ERLIN2: variants seen among roughly 807,000 people sequenced by gnomAD.
ERLIN2 encodes the protein erlin-2.
ERLIN2 carries 22 observed loss-of-function variants against 41.5 expected under a neutral mutation model. That is an observed-to-expected ratio of 0.53 (90% CI 0.38 to 0.76). ERLIN2 has a LOEUF of 0.76. Among genes scored for constraint, ERLIN2 ranks in the 30% least tolerant of loss-of-function variants. The probability of loss-of-function intolerance (pLI) is 0.00; values close to 1 mark genes in which losing one functional copy is unlikely to be tolerated. For synonymous variants in ERLIN2, 149 were observed against 150.9 expected, an observed-to-expected ratio of 0.99 and a Z score of 0.09; for missense variants, 247 against 414.3, an observed-to-expected ratio of 0.60 and a Z score of 3.51.
intron 10 of ERLIN2, among the ~76,000 whole-genome samples, 168 bp from the exon 11 acceptor site, chr8:37,753,282 G>A (rs1397238122): frequency 6.6e-6 from 1 of 152,190 alleles, no homozygotes; most frequent in African/African-American, 2.4e-5. Flanking sequence ...TACAATAGGG[G>A]AAAATGCATG....
At chr8:37,736,744 C>G (rs1802656451) in intron 1 of ERLIN2, 66 bp downstream of exon 1, 3 of 985,596 alleles carry the variant, frequency 3.0e-6, no homozygotes, top group Non-Finnish European at 3.6e-6. Flanking sequence ...GGGGCTGACC[C>G]GTCACTTTCG....
intron 6 of ERLIN2, chr8:37,745,808 C>T: frequency 7.3e-7 from 1 of 1,362,380 alleles, no homozygotes; most frequent in South Asian, 2.0e-5. Flanking sequence ...ATTCACTGTG[C>T]TTTTAAGAAA....
intron 11 of ERLIN2, 99 bp downstream of exon 11, chr8:37,753,628 C>T (rs2129727003): frequency 2.8e-6 from 3 of 1,081,490 alleles, no homozygotes; most frequent in East Asian, 4.9e-5. Flanking sequence ...ACCCAAAGCC[C>T]TTCATGGGCA....
At chr8:37,747,200 G>A (rs1300629063) in intron 6 of ERLIN2, 1 of 655,586 alleles carries the variant, frequency 1.5e-6, no homozygotes, top group Non-Finnish European at 2.8e-6. Context: ...CTCACTGCAT[G>A]TAGGAGAATC....
intron 2 of ERLIN2, 103 bp from the exon 3 acceptor site, chr8:37,740,262 T>C (rs1802801458): frequency 6.3e-6 from 5 of 789,058 alleles, no homozygotes; most frequent in Non-Finnish European, 1.1e-5. Flanking sequence ...CACTCTCTAT[T>C]ATATGTTTAT....
rs986447364 is a variant in ERLIN2 at position 37,758,383 on chromosome 8, T to G, written c.*4268T>G. On this transcript the variant is annotated 3_prime_UTR_variant, in exon 12 of 12. Transcript: ENST00000519638. ...GTTTTTTGACCTCTCTAAGCCTCAG[T>G]TTCTTCATTAATAAAATGAGTTGCA... 1 of 152,230 alleles carries G rather than the reference T, an allele frequency of 6.6e-6. No individual in the cohort carries two copies. Among genetic ancestry groups the G allele is most frequent in the Non-Finnish European group, 1.5e-5 (1 of 68,042 alleles). The allele number at this position is 152,230 out of a possible 1,614,324, so 9.4% of individuals were successfully genotyped here.
chr8:37,749,819 T>G lies in ERLIN2; in HGVS notation c.524T>G (p.Ile175Arg). The change falls in exon 8 of 12, where the codon ATA (isoleucine) becomes AGA (arginine). Residue 175 changes from isoleucine to arginine, a missense_variant. Physicochemically the swap from Ile to Arg is moderately conservative, Grantham distance 97. Transcript: ENST00000519638. ...IQAVRVTKPN[I>R]PEAIRRNYEL... ...GCTGTGCGGGTAACAAAGCCCAACA[T>G]ACCAGAGGCAATCCGCAGAAACTAC... 1.9e-6 allele frequency: 3 copies of G among 1,614,138 alleles called. No homozygotes were observed. Among genetic ancestry groups the G allele is most frequent in the Non-Finnish European group, 1.7e-6 (2 of 1,180,008 alleles).
rs998251892 is a variant in ERLIN2, at chr8:37,757,101, G to A, written c.*2986G>A. 10 of 152,318 alleles carry A rather than the reference G, an allele frequency of 6.6e-5. No individual in the cohort carries two copies. Among genetic ancestry groups the A allele is most frequent in the Non-Finnish European group, 1.5e-4 (10 of 68,026 alleles). The allele number at this position is 152,318 out of a possible 1,614,324, so 9.4% of individuals were successfully genotyped here. On this transcript the variant is annotated 3_prime_UTR_variant, in exon 12 of 12. Coordinates refer to ENST00000519638, the MANE Select transcript of ERLIN2 (RefSeq NM_007175.8). ...GCAATATATTGATTCAGGAAAAGGA[G>A]CTGTTTTATAAATGATCATTCACTG...
intron 6 of ERLIN2, chr8:37,745,588 C>G: frequency 6.2e-7 from 1 of 1,613,946 alleles, no homozygotes; most frequent in African/African-American, 1.3e-5. Context: ...ATGATTTTTC[C>G]CAGGAATCTT....
intron 6 of ERLIN2, chr8:37,746,078 G>A (rs1803037651): frequency 1.0e-5 from 10 of 993,540 alleles, no homozygotes; most frequent in Non-Finnish European, 1.2e-5. Flanking sequence ...TGGAGGAGCT[G>A]GGGAAATATA....
In ERLIN2 at chr8:37,749,565, T is replaced by C. The variant is rs745877709; in HGVS notation, c.431T>C (p.Ile144Thr). The part of the protein sequence containing the change: ...QEVYIELFDQ[I>T]DENLKLALQQ... The stretch of plus-strand genomic sequence containing the variant: ...CATCTTTTCTTTATTCCAGATCAGA[T>C]TGATGAAAATCTCAAACTGGCTTTG... Residue 144 changes from isoleucine to threonine, a missense_variant, in exon 7 of 12, where the codon ATT becomes ACT. By Grantham distance (89) the Ile-to-Thr change is moderately conservative. Around this residue, in one of 3 missense-constraint regions of ERLIN2, gnomAD observed 153 missense variants for 256.4 expected, o/e 0.60. Coordinates refer to ENST00000519638, the MANE Select transcript of ERLIN2 (RefSeq NM_007175.8). The C allele has an allele frequency of 1.9e-6, 3 of 1,611,984 alleles. No homozygotes were observed. The highest frequency in any genetic ancestry group is 1.7e-5 in the Admixed American group (1 of 59,994).
intron 6 of ERLIN2, chr8:37,748,074 G>T: frequency 7.9e-7 from 1 of 1,262,790 alleles, no homozygotes; most frequent in South Asian, 1.2e-5. Context: ...TCACGAGCGC[G>T]CCTTGCGCCT....
At chr8:37,745,014 C>G (rs1024641477) in intron 6 of ERLIN2, 1 of 598,542 alleles carries the variant, frequency 1.7e-6, no homozygotes, top group Admixed American at 2.9e-5. Flanking sequence ...ATAATGAAGA[C>G]AAGGTCCATT....
At chr8:37,740,285 A>G in intron 2 of ERLIN2, 80 bp from the exon 3 acceptor site, 1 of 934,732 alleles carries the variant, frequency 1.1e-6, no homozygotes, top group South Asian at 1.3e-5. Flanking sequence ...GGCTGAAGGG[A>G]AAGTTGACCC....
Position 37,757,415 on chromosome 8 carries a change from C to T in ERLIN2, c.*3300C>T, listed in dbSNP as rs1476917498. 6.6e-6 allele frequency: 1 copy of T among 151,792 alleles called. No homozygotes were observed. The highest frequency in any genetic ancestry group is 2.4e-5 in the African/African-American group (1 of 41,272). The allele number at this position is 151,792 out of a possible 1,614,324, so 9.4% of individuals were successfully genotyped here. ...ATCATTTTGTGTTTGTATTTCCATT[C>T]CTTTTTATTTCTGCCTTTGTGTAGA... On this transcript the variant is annotated 3_prime_UTR_variant, in exon 12 of 12. Coordinates refer to ENST00000519638, the MANE Select transcript of ERLIN2 (RefSeq NM_007175.8).
chr8:37,747,322 G>A (rs1563314871), intron 6 of ERLIN2: 1 of 1,127,700 alleles, frequency 8.9e-7, no homozygotes, highest in East Asian at 2.3e-5. Context: ...CTAGGGCTCA[G>A]AAAAAAAGCC....
chr8:37,750,133 A>G, intron 8 of ERLIN2: 1 of 620,510 alleles, frequency 1.6e-6, no homozygotes, highest in Non-Finnish European at 2.9e-6. Flanking sequence ...CAAGGTGGAG[A>G]CAGGAGCAAG....
At chr8:37,739,492 T>G (rs1173403625) in intron 2 of ERLIN2, among the ~76,000 whole-genome samples, 1 of 152,150 alleles carries the variant, frequency 6.6e-6, no homozygotes, top group African/African-American at 2.4e-5. Context: ...TCTTTTTTTT[T>G]TTTGAGACAG....
In ERLIN2 at chr8:37,754,066, G is replaced by C. The variant is rs1246164059; in HGVS notation, c.971G>C (p.Ser324Thr). Residue 324 changes from serine to threonine, a missense_variant, in exon 12 of 12, where the codon AGC becomes ACC. By Grantham distance (58) the Ser-to-Thr change is moderately conservative. Around this residue, in one of 3 missense-constraint regions of ERLIN2, gnomAD observed 153 missense variants for 256.4 expected, o/e 0.60. Coordinates refer to ENST00000519638, the MANE Select transcript of ERLIN2 (RefSeq NM_007175.8). ...TTTGAGGGGCTAGCTGACAAGCTAA[G>C]CTTTGGCTTAGAAGATGAACCCTTG... is the stretch of plus-strand genomic sequence containing the variant. ...KQFEGLADKL[S>T]FGLEDEPLET... 1.2e-6 allele frequency: 2 copies of C among 1,614,166 alleles called. No individual in the cohort carries two copies. Among genetic ancestry groups the C allele is most frequent in the Non-Finnish European group, 8.5e-7 (1 of 1,180,006 alleles).
Sources: allele counts gnomAD v4.1 joint callset (sites outside exome capture counted in the v4.1 genomes callset), GRCh38; gene constraint gnomAD v4.1.1; regional missense constraint gnomAD v4.1.1; transcripts MANE v1.5; gene names NCBI Gene and HGNC (gene_info 2026-07-23, HGNC 2026-07-21).